UNC13C: variants seen among roughly 807,000 people sequenced by gnomAD.
The protein encoded by UNC13C is unc-13 homolog C.
In UNC13C, 174 loss-of-function variants were observed where a neutral mutation model predicts 245.4. The observed-to-expected ratio is 0.71, with a 90% CI of 0.63 to 0.80. The LOEUF (loss-of-function observed/expected upper bound fraction) is 0.80, where lower values mean the gene tolerates loss of function less well. UNC13C is among the 30% of genes least tolerant of loss of function. UNC13C has a pLI of 0.00. For synonymous variants in UNC13C, 992 were observed against 895.1 expected, an observed-to-expected ratio of 1.11 and a Z score of -1.93; for missense variants, 2,829 against 2,602.9, an observed-to-expected ratio of 1.09 and a Z score of -1.89.
the UNC13C span, among the ~76,000 whole-genome samples, chr15:53,857,105 C>T: frequency 2.9e-4 from 44 of 152,006 alleles, no homozygotes; most frequent in African/African-American, 1.1e-3. Context: ...CCCAATCTGG[C>T]TATTTCTGTA....
intron 7 of UNC13C, among the ~76,000 whole-genome samples, chr15:54,240,969 A>G (rs1284143496): frequency 1.3e-5 from 2 of 152,158 alleles, no homozygotes; most frequent in Non-Finnish European, 2.9e-5. Flanking sequence ...GAAATAAAGT[A>G]GCGAACAACT....
intron 14 of UNC13C, among the ~76,000 whole-genome samples, chr15:54,323,100 T>TTTACTGAATATATTTTTG (rs1448227535): frequency 1.3e-5 from 2 of 151,894 alleles, no homozygotes; most frequent in African/African-American, 4.8e-5. Context: ...TCCAATTTAG[T>TTTACTGAATATATTTTTG]TTACTGAATA....
chr15:53,954,648 A>T, the UNC13C span, among the ~76,000 whole-genome samples: 4 of 152,252 alleles, frequency 2.6e-5, no homozygotes, highest in South Asian at 8.3e-4. Flanking sequence ...TAGGCTTCAA[A>T]TGGGGTATGA....
chr15:54,122,522 G>A (rs2141196993), intron 2 of UNC13C, among the ~76,000 whole-genome samples: 1 of 152,014 alleles, frequency 6.6e-6, no homozygotes, highest in East Asian at 1.9e-4. Flanking sequence ...CATTGTATGT[G>A]TGCAGTTTGA....
intron 19 of UNC13C, among the ~76,000 whole-genome samples, chr15:54,441,125 T>C (rs1484904567): frequency 6.6e-6 from 1 of 152,094 alleles, no homozygotes; most frequent in African/African-American, 2.4e-5. Context: ...TTTACTCTGT[T>C]GGTTATTTCA....
chr15:53,995,305 G>A (rs535466395), intron 1 of UNC13C, among the ~76,000 whole-genome samples: 10 of 152,060 alleles, frequency 6.6e-5, no homozygotes, highest in African/African-American at 2.4e-4. Flanking sequence ...TGTAAAGAAG[G>A]AAACCTACTT....
At chr15:53,853,907 T>C in the UNC13C span, among the ~76,000 whole-genome samples, 1 of 152,172 alleles carries the variant, frequency 6.6e-6, no homozygotes, top group Non-Finnish European at 1.5e-5. Flanking sequence ...CTTTGTCAGA[T>C]GGATAGATTG....
At chr15:54,104,046 C>A (rs980414236) in intron 2 of UNC13C, among the ~76,000 whole-genome samples, 3 of 152,192 alleles carry the variant, frequency 2.0e-5, no homozygotes, top group South Asian at 2.1e-4. Flanking sequence ...CCCGGCCACA[C>A]GTAGACCTGT....
chr15:54,117,620 T>G (rs1001146260), intron 2 of UNC13C, among the ~76,000 whole-genome samples: 1 of 150,284 alleles, frequency 6.7e-6, no homozygotes, highest in African/African-American at 2.4e-5. Context: ...CTCACTCTGT[T>G]GCCCAAGCTG....
chr15:53,986,385 C>T (rs1439248170), intron 1 of UNC13C, among the ~76,000 whole-genome samples: 2 of 152,046 alleles, frequency 1.3e-5, no homozygotes, highest in Non-Finnish European at 2.9e-5. Flanking sequence ...TCTTAAGATA[C>T]TTGACACTAT....
intron 2 of UNC13C, among the ~76,000 whole-genome samples, chr15:54,029,738 T>C (rs1219353297): frequency 6.6e-6 from 1 of 152,176 alleles, no homozygotes; most frequent in Non-Finnish European, 1.5e-5. Context: ...CACTTAAGCC[T>C]TCACACAGCT....
chr15:54,548,823 A>G (rs1896608061), intron 27 of UNC13C, among the ~76,000 whole-genome samples: 1 of 152,194 alleles, frequency 6.6e-6, no homozygotes, highest in Non-Finnish European at 1.5e-5. Flanking sequence ...TTATTCATTC[A>G]TTAAATAAAT....
At chr15:54,286,991 C>A (rs2037167806) in intron 10 of UNC13C, among the ~76,000 whole-genome samples, 1 of 152,074 alleles carries the variant, frequency 6.6e-6, no homozygotes, top group African/African-American at 2.4e-5. Flanking sequence ...AGGAAAACTG[C>A]AAAACAAATA....
chr15:54,352,857 A>G (rs979111829), intron 17 of UNC13C, among the ~76,000 whole-genome samples: 5 of 152,080 alleles, frequency 3.3e-5, no homozygotes, highest in African/African-American at 1.2e-4. Context: ...GAGGTGTTCA[A>G]TTTTGTTACC....
intron 2 of UNC13C, among the ~76,000 whole-genome samples, chr15:54,106,658 C>A (rs183494475): frequency 5.0e-4 from 76 of 152,276 alleles, no homozygotes; most frequent in African/African-American, 1.8e-3. Flanking sequence ...TCATTTCCCC[C>A]ACCAAATTTA....
chr15:54,463,982 A>G (rs1892029551), intron 19 of UNC13C, among the ~76,000 whole-genome samples: 1 of 152,196 alleles, frequency 6.6e-6, no homozygotes, highest in Admixed American at 6.5e-5. Flanking sequence ...TAGTTATTAA[A>G]ATCGCAACAA....
At chr15:53,984,154 G>T (rs1169611298) in intron 1 of UNC13C, among the ~76,000 whole-genome samples, 1 of 152,016 alleles carries the variant, frequency 6.6e-6, no homozygotes, top group Non-Finnish European at 1.5e-5. Flanking sequence ...AATTTTCAAG[G>T]ACACTATATT....
intron 2 of UNC13C, among the ~76,000 whole-genome samples, chr15:54,052,396 T>C (rs1177469432): frequency 2.7e-5 from 4 of 150,020 alleles, no homozygotes; most frequent in South Asian, 4.3e-4. Flanking sequence ...AAAGTGTTCC[T>C]ATTTCTCCAC....
intron 4 of UNC13C, among the ~76,000 whole-genome samples, chr15:54,148,067 T>C (rs1662268551): frequency 6.6e-6 from 1 of 152,126 alleles, no homozygotes; most frequent in South Asian, 2.1e-4. Context: ...CCAGAATGAT[T>C]GAACCTTATC....
Sources: allele counts gnomAD v4.1 joint callset (sites outside exome capture counted in the v4.1 genomes callset), GRCh38; gene constraint gnomAD v4.1.1; transcripts MANE v1.5; gene names NCBI Gene and HGNC (gene_info 2026-07-23, HGNC 2026-07-21).